The following FBXL7 variants were observed in gnomAD, a reference collection of about 807,000 sequenced individuals.
FBXL7 encodes the protein F-box/LRR-repeat protein 7.
A neutral mutation model predicts 38.3 loss-of-function variants in FBXL7; 12 were observed. The observed-to-expected ratio is 0.31, with a 90% CI of 0.20 to 0.51. The LOEUF (loss-of-function observed/expected upper bound fraction) is 0.51. Among genes scored for constraint, FBXL7 ranks in the 20% least tolerant of loss-of-function variants. FBXL7 has a pLI of 0.98. For missense variants in FBXL7, 567 were observed against 676.4 expected, an observed-to-expected ratio of 0.84 and a Z score of 1.79; for synonymous variants, 297 against 300.9, an observed-to-expected ratio of 0.99 and a Z score of 0.13.
intron 2 of FBXL7, among the ~76,000 whole-genome samples, chr5:15,753,428 C>T (rs1423350906): frequency 6.6e-6 from 1 of 152,148 alleles, no homozygotes; most frequent in Non-Finnish European, 1.5e-5. Context: ...CTTTCTTCCT[C>T]ATCTGTGAGC....
At chr5:15,890,342 G>A (rs1391779601) in intron 2 of FBXL7, among the ~76,000 whole-genome samples, 4 of 152,130 alleles carry the variant, frequency 2.6e-5, no homozygotes, top group African/African-American at 7.2e-5. Context: ...TCCGCCTCCC[G>A]GGTTCAAGCG....
intron 1 of FBXL7, among the ~76,000 whole-genome samples, chr5:15,575,218 A>G (rs1738919315): frequency 6.6e-6 from 1 of 152,196 alleles, no homozygotes; most frequent in African/African-American, 2.4e-5. Flanking sequence ...GTTTCTTTCA[A>G]CCTGAATTAC....
At chr5:15,668,081 C>T (rs1373126220) in intron 2 of FBXL7, among the ~76,000 whole-genome samples, 1 of 152,162 alleles carries the variant, frequency 6.6e-6, no homozygotes, top group Admixed American at 6.5e-5. Flanking sequence ...AACACCTTGC[C>T]ACCCCATACT....
intron 2 of FBXL7, among the ~76,000 whole-genome samples, chr5:15,925,239 G>A (rs1369722902): frequency 3.3e-5 from 5 of 152,346 alleles, no homozygotes; most frequent in East Asian, 3.9e-4. Flanking sequence ...ATTCACAAAT[G>A]TCTGTATAAC....
intron 2 of FBXL7, among the ~76,000 whole-genome samples, chr5:15,783,463 C>G (rs1737051981): frequency 6.6e-6 from 1 of 152,068 alleles, no homozygotes; most frequent in Non-Finnish European, 1.5e-5. Flanking sequence ...TCATTGTAAG[C>G]CACCCATGAA....
intron 2 of FBXL7, among the ~76,000 whole-genome samples, chr5:15,825,259 G>A (rs1234069781): frequency 1.3e-5 from 2 of 152,042 alleles, no homozygotes; most frequent in African/African-American, 4.8e-5. Context: ...TAATAGAACT[G>A]TTGTAGTCAC....
intron 2 of FBXL7, among the ~76,000 whole-genome samples, chr5:15,856,615 T>G (rs992941516): frequency 5.3e-5 from 8 of 152,016 alleles, no homozygotes; most frequent in African/African-American, 1.9e-4. Flanking sequence ...CATCAATAAA[T>G]CCACTCCAGA....
chr5:15,879,218 C>T lies in FBXL7; in HGVS notation c.128-48672C>T, dbSNP rs555160648. ...CTAGCCGATTAAACTGGAAGCCCAG[C>T]ATTTATAACGGCCAGAAGAAATCCT... On this transcript the variant is annotated intron_variant, in intron 2 of 3. Coordinates refer to ENST00000504595, the MANE Select transcript of FBXL7 (RefSeq NM_012304.5). Among the ~76,000 whole-genome samples the T allele has an allele frequency of 9.8e-5, 15 of 152,350 alleles. 1 individual carries two copies. Among genetic ancestry groups the T allele is most frequent in the African/African-American group, 3.6e-4 (15 of 41,582 alleles).
chr5:15,828,632 A>C (rs1178476565), intron 2 of FBXL7, among the ~76,000 whole-genome samples: 1 of 152,202 alleles, frequency 6.6e-6, no homozygotes, highest in Admixed American at 6.5e-5. Flanking sequence ...GGTGAAAGGC[A>C]CCTGAAAATG....
At chr5:15,800,905 G>C (rs1454065119) in intron 2 of FBXL7, among the ~76,000 whole-genome samples, 2 of 152,184 alleles carry the variant, frequency 1.3e-5, no homozygotes, top group African/African-American at 4.8e-5. Flanking sequence ...GGATTCTCCA[G>C]AGAAACAGAA....
chr5:15,766,782 G>A (rs550668972), intron 2 of FBXL7, among the ~76,000 whole-genome samples: 5 of 152,196 alleles, frequency 3.3e-5, no homozygotes, highest in South Asian at 2.1e-4. Flanking sequence ...CGAAACCAAC[G>A]AAATAATAGG....
chr5:15,591,719 T>G (rs1398223609), intron 1 of FBXL7, among the ~76,000 whole-genome samples: 2 of 151,994 alleles, frequency 1.3e-5, no homozygotes, highest in African/African-American at 4.8e-5. Flanking sequence ...ATTATTTATT[T>G]ATTTACTTTT....
chr5:15,634,822 A>G (rs1225570090), intron 2 of FBXL7, among the ~76,000 whole-genome samples: 1 of 151,674 alleles, frequency 6.6e-6, no homozygotes, highest in East Asian at 1.9e-4. Flanking sequence ...TAGTTTCATG[A>G]CCCTCTCCTG....
intron 2 of FBXL7, among the ~76,000 whole-genome samples, chr5:15,700,677 T>G (rs528114999): frequency 1.3e-4 from 20 of 152,240 alleles, no homozygotes; most frequent in Non-Finnish European, 2.4e-4. Context: ...TAATTTTTAT[T>G]ACATAATTTG....
chr5:15,571,298 G>T (rs1037531783), intron 1 of FBXL7, among the ~76,000 whole-genome samples: 3 of 152,018 alleles, frequency 2.0e-5, no homozygotes, highest in Non-Finnish European at 4.4e-5. Flanking sequence ...AATGGCCTCA[G>T]TTAGTCATCC....
chr5:15,577,314 A>C (rs1580381319), intron 1 of FBXL7, among the ~76,000 whole-genome samples: 2 of 152,024 alleles, frequency 1.3e-5, no homozygotes, highest in South Asian at 4.2e-4. Flanking sequence ...ATTGGCCTCT[A>C]TTGTCCCCAG....
intron 2 of FBXL7, among the ~76,000 whole-genome samples, chr5:15,641,365 C>G (rs1043992931): frequency 6.6e-6 from 1 of 152,202 alleles, no homozygotes; most frequent in Non-Finnish European, 1.5e-5. Flanking sequence ...AATTAATTCA[C>G]TTCTTCTCTT....
chr5:15,748,958 C>T (rs2126682812), intron 2 of FBXL7, among the ~76,000 whole-genome samples: 1 of 152,256 alleles, frequency 6.6e-6, no homozygotes, highest in African/African-American at 2.4e-5. Context: ...AAGATTTCAA[C>T]AGTTAGCCTC....
chr5:15,870,956 T>G (rs1739930054), intron 2 of FBXL7, among the ~76,000 whole-genome samples: 1 of 152,194 alleles, frequency 6.6e-6, no homozygotes, highest in African/African-American at 2.4e-5. Flanking sequence ...GCGTTCAAGC[T>G]CTGCTAAGGG....
Sources: gnomAD v4.1 joint callset for allele counts (sites outside exome capture counted in the v4.1 genomes callset) on GRCh38, gnomAD v4.1.1 for gene constraint, MANE v1.5 for transcripts, NCBI Gene and HGNC (gene_info 2026-07-23, HGNC 2026-07-21) for gene names.